UBE3A: variants seen among roughly 807,000 people sequenced by gnomAD.
UBE3A encodes the protein ubiquitin-protein ligase E3A.
UBE3A carries 6 observed loss-of-function variants against 83.4 expected under a neutral mutation model. The ratio of observed to expected loss-of-function variants is 0.07; its 90% CI spans 0.04 to 0.14. The LOEUF (loss-of-function observed/expected upper bound fraction) is 0.14. Ranked by LOEUF, UBE3A falls within the 10% of genes least tolerant of loss-of-function variation. UBE3A has a pLI of 1.00. For synonymous variants in UBE3A, 337 were observed against 355.4 expected, an observed-to-expected ratio of 0.95 and a Z score of 0.58; for missense variants, 456 against 1,036.1, an observed-to-expected ratio of 0.44 and a Z score of 7.69.
At chr15:25,377,233 G>A (rs1190027409) in intron 4 of UBE3A, among the ~76,000 whole-genome samples, 1 of 151,576 alleles carries the variant, frequency 6.6e-6, no homozygotes, top group Non-Finnish European at 1.5e-5. Context: ...TGTCTCAACA[G>A]AAGAACTTTC....
chr15:25,406,643 T>C (rs1232505854), intron 3 of UBE3A, among the ~76,000 whole-genome samples: 5 of 151,988 alleles, frequency 3.3e-5, no homozygotes, highest in Non-Finnish European at 5.9e-5. Context: ...TCACTGACTT[T>C]AGGCTTCCAA....
intron 3 of UBE3A, among the ~76,000 whole-genome samples, chr15:25,406,128 T>A (rs1164269524): frequency 3.3e-5 from 5 of 152,188 alleles, no homozygotes; most frequent in South Asian, 4.1e-4. Flanking sequence ...AGAACAAATG[T>A]GCCAACCGCT....
chr15:25,414,958 A>C lies in UBE3A; in HGVS notation c.-164-2987T>G, dbSNP rs142025753. Among the ~76,000 whole-genome samples, 176 of 152,292 alleles carry C rather than the reference A, an allele frequency of 1.2e-3. 1 individual carries two copies. The highest frequency in any genetic ancestry group is 1.9e-3 in the Non-Finnish European group (128 of 68,018). On this transcript the variant is annotated intron_variant, in intron 1 of 12. Coordinates refer to ENST00000648336, the MANE Select transcript of UBE3A (RefSeq NM_130839.5). ...CAGTGCTTGCAAATGTTTATAGAAT[A>C]AGCATCTTACAAAAGAGAAAATTTT...
At chr15:25,387,717 T>C (rs1199689398) in intron 4 of UBE3A, among the ~76,000 whole-genome samples, 6 of 152,044 alleles carry the variant, frequency 3.9e-5, no homozygotes, top group Non-Finnish European at 1.5e-5. Flanking sequence ...ATAAAATCAA[T>C]AAGCCTCTAG....
Position 25,371,900 on chromosome 15 carries a change from A to T in UBE3A, c.362-88T>A, listed in dbSNP as rs1392521261. ...AAAAAGTTCTAAAAGTAAAACAGCC[A>T]AACATTCTAGGCTCAATATCATTTA... On this transcript the variant is annotated intron_variant, in intron 5 of 12. Transcript: ENST00000648336. This position sits in a 1 kb window ranked among gnomAD's most constrained non-coding sequence, Gnocchi z 5.3. The T allele has an allele frequency of 1.6e-6, 2 of 1,281,938 alleles. No homozygotes were observed. Among genetic ancestry groups the T allele is most frequent in the African/African-American group, 1.5e-5 (1 of 66,514 alleles). The allele number at this position is 1,281,938 out of a possible 1,614,324, so 79.4% of individuals were successfully genotyped here. A position where few individuals can be genotyped will look rare whatever the true frequency, so the allele number is the denominator to read the frequency against.
chr15:25,391,359 G>A (rs1000069871), intron 4 of UBE3A, among the ~76,000 whole-genome samples: 1 of 152,202 alleles, frequency 6.6e-6, no homozygotes, highest in Non-Finnish European at 1.5e-5. Context: ...GAAAAGAAGA[G>A]TTGTTCAATG....
At chr15:25,407,848 T>G (rs894615824) in intron 3 of UBE3A, 1 of 152,214 alleles carries the variant, frequency 6.6e-6, no homozygotes. Context: ...ATAGTTTCTG[T>G]CTGAATGAAT....
intron 4 of UBE3A, among the ~76,000 whole-genome samples, chr15:25,379,975 C>G (rs2081906304): frequency 6.6e-6 from 1 of 152,076 alleles, no homozygotes; most frequent in Admixed American, 6.5e-5. Flanking sequence ...TGTCCCCACC[C>G]AAATCTCATC....
At chr15:25,357,276 C>T (rs2077352640) in intron 7 of UBE3A, 2 of 172,482 alleles carry the variant, frequency 1.2e-5, no homozygotes, top group South Asian at 1.4e-4. Flanking sequence ...AAAATGGCTA[C>T]ATTTCCAAAG....
chr15:25,393,108 T>G (rs1285682044), intron 4 of UBE3A, among the ~76,000 whole-genome samples: 2 of 151,846 alleles, frequency 1.3e-5, no homozygotes, highest in Non-Finnish European at 2.9e-5. Context: ...GAAACCAAAG[T>G]GGGCAAAACT....
At chr15:25,341,456 A>C (rs893590149) in intron 11 of UBE3A, among the ~76,000 whole-genome samples, 2 of 151,894 alleles carry the variant, frequency 1.3e-5, no homozygotes, top group African/African-American at 4.8e-5. Context: ...ATGCATTTTA[A>C]TAGTTATTTA....
intron 4 of UBE3A, among the ~76,000 whole-genome samples, chr15:25,398,184 A>C (rs2086029324): frequency 6.6e-6 from 1 of 151,114 alleles, no homozygotes. Flanking sequence ...AAAAAAAAAA[A>C]AAAAAAACAC....
chr15:25,367,265 GTAAA>G (rs1334921833), intron 6 of UBE3A, among the ~76,000 whole-genome samples: 2 of 106,890 alleles, frequency 1.9e-5, no homozygotes, highest in African/African-American at 7.9e-5. Flanking sequence ...TTGTAAATAT[GTAAA>G]TATTTACATA....
At chr15:25,398,951 C>T (rs1252938316) in intron 4 of UBE3A, among the ~76,000 whole-genome samples, 1 of 151,120 alleles carries the variant, frequency 6.6e-6, no homozygotes, top group Non-Finnish European at 1.5e-5. Flanking sequence ...TATCTCTTGT[C>T]TGCAAATCCT....
At chr15:25,365,206 C>A (rs1417307281) in intron 6 of UBE3A, among the ~76,000 whole-genome samples, 2 of 151,892 alleles carry the variant, frequency 1.3e-5, no homozygotes, top group East Asian at 3.9e-4. Context: ...AAAAATCTGA[C>A]CTGATATCAA....
chr15:25,363,270 T>C (rs2078433865), intron 6 of UBE3A, among the ~76,000 whole-genome samples: 1 of 152,198 alleles, frequency 6.6e-6, no homozygotes. Context: ...CATAATAATA[T>C]AGTAATAAAT....
intron 11 of UBE3A, among the ~76,000 whole-genome samples, chr15:25,353,655 T>C (rs1343939997): frequency 6.6e-6 from 1 of 152,212 alleles, no homozygotes; most frequent in African/African-American, 2.4e-5. Flanking sequence ...CTTAGAGCAA[T>C]AGCCTTTGGA....
In UBE3A at chr15:25,335,002, T is replaced by A. The variant is rs1486566154; in HGVS notation, c.*4135A>T. The A allele has an allele frequency of 6.7e-6, 1 of 148,302 alleles. No homozygotes were observed. The highest frequency in any genetic ancestry group is 1.5e-5 in the Non-Finnish European group (1 of 67,358). 9.2% of individuals were successfully genotyped at this position (148,302 alleles called of 1,614,324 possible). ...AAGGCAAAATGGTTTGTTTTTTTTT[T>A]TAAAAATGACAGTCTCTATCATGAA... On this transcript the variant is annotated 3_prime_UTR_variant, in exon 13 of 13. Coordinates refer to ENST00000648336, the MANE Select transcript of UBE3A (RefSeq NM_130839.5).
chr15:25,408,398 T>C (rs2089208153), intron 3 of UBE3A: 2 of 620,930 alleles, frequency 3.2e-6, no homozygotes, highest in South Asian at 4.1e-5. Context: ...AGGGAAATTT[T>C]TGTATTAAAC....
Sources: gnomAD v4.1 joint callset for allele counts (sites outside exome capture counted in the v4.1 genomes callset) on GRCh38, gnomAD v4.1.1 for gene constraint, Gnocchi (gnomAD v3.1) non-coding constraint, MANE v1.5 for transcripts, NCBI Gene and HGNC (gene_info 2026-07-23, HGNC 2026-07-21) for gene names.